Variants in ZNF287 observed in about 807,000 individuals in gnomAD.
ZNF287 encodes zinc finger protein with KRAB and SCAN domains 13.
A neutral mutation model predicts 73.7 loss-of-function variants in ZNF287; 31 were observed. The observed-to-expected ratio is 0.42, with a 90% confidence interval of 0.32 to 0.57. The LOEUF is 0.57. Ranked by LOEUF, ZNF287 falls within the 20% of genes least tolerant of loss-of-function variation. ZNF287 has a pLI of 0.13. For synonymous variants in ZNF287, 301 were observed against 307.2 expected (o/e 0.98, Z 0.21); for missense variants, 641 against 909.3 (o/e 0.70, Z 3.79).
chr17:16,556,027 T>G (rs1010784742), intron 5 of ZNF287, among the ~76,000 whole-genome samples: 1 of 148,404 alleles, frequency 6.7e-6, no homozygotes, highest in South Asian at 2.1e-4. Context: ...TAACAGAATA[T>G]TGATAACTGA....
intron 2 of ZNF287, among the ~76,000 whole-genome samples, chr17:16,566,992 A>G (rs1427443449): frequency 6.6e-6 from 1 of 152,228 alleles, no homozygotes; most frequent in Admixed American, 6.5e-5. Flanking sequence ...ATTTATTAGT[A>G]GAATGGTGCA....
Position 16,553,282 on chromosome 17 carries a change from A to T in ZNF287, c.860T>A (p.Ile287Asn). 1 of 1,613,858 alleles carries T rather than the reference A, an allele frequency of 6.2e-7. No individual in the cohort carries two copies. The highest frequency in any genetic ancestry group is 1.1e-5 in the South Asian group (1 of 91,054). The change falls in exon 6 of 6, where the codon ATT becomes AAT. Residue 287 changes from isoleucine (I) to asparagine (N), a missense_variant. Physicochemically the swap from Ile to Asn is moderately radical, Grantham distance 149 (BLOSUM62 -3). Transcript: ENST00000395825. ...ACTGAAACCTCTTTCATCAGTGTGA[A>T]TTTTCCAGAAGCCACCTTTTCCTCG... ...ERRGKGGFWK[I>N]HTDERGFSLK...
intron 3 of ZNF287, among the ~76,000 whole-genome samples, chr17:16,566,272 C>T (rs1907735983): frequency 6.6e-6 from 1 of 152,082 alleles, no homozygotes; most frequent in South Asian, 2.1e-4. Context: ...CTGTGGAGGT[C>T]AATCTCGTAT....
chr17:16,562,305 T>G (rs922819260), intron 5 of ZNF287, among the ~76,000 whole-genome samples: 1 of 152,232 alleles, frequency 6.6e-6, no homozygotes, highest in African/African-American at 2.4e-5. Flanking sequence ...GATATACTTT[T>G]AAGTTAAAAA....
At chr17:16,563,394 C>T (rs997261293) in intron 4 of ZNF287, 162 bp from the exon 5 acceptor site, 1 of 604,748 alleles carries the variant, frequency 1.7e-6, no homozygotes, top group South Asian at 2.3e-5. Context: ...GTTATCCTTT[C>T]AGAGACAGGA....
chr17:16,567,851 G>A lies in ZNF287; in HGVS notation c.-120C>T, dbSNP rs1305668334. The A allele has an allele frequency of 6.8e-7, 1 of 1,472,790 alleles. No homozygotes were observed. The highest frequency in any genetic ancestry group is 8.9e-7 in the Non-Finnish European group (1 of 1,119,094). The allele number at this position is 1,472,790 out of a possible 1,614,324, so 91.2% of individuals were successfully genotyped here. A position where few individuals can be genotyped will look rare whatever the true frequency, so the allele number is the denominator to read the frequency against. ...ATATCAAAGGCTGCTGCAGCCGAGG[G>A]CAGAACAGAATCAAGGTAGAGTTAG... On this transcript the variant is annotated 5_prime_UTR_variant, in exon 2 of 6. Coordinates refer to ENST00000395825, the MANE Select transcript of ZNF287 (RefSeq NM_020653.4).
Position 16,549,551 on chromosome 17 carries a change from G to A in ZNF287, c.*2305C>T, listed in dbSNP as rs1251008475. The stretch of plus-strand genomic sequence containing the variant: ...TATTCTGCAACCTGTACTTTGTGCA[G>A]GATGATACTATGAAATCAAGGTTAA... On this transcript the variant is annotated 3_prime_UTR_variant, in exon 6 of 6. Coordinates refer to ENST00000395825, the MANE Select transcript of ZNF287 (RefSeq NM_020653.4). Among the ~76,000 whole-genome samples the A allele has an allele frequency of 2.0e-5, 3 of 152,132 alleles. No homozygotes were observed. Among genetic ancestry groups the A allele is most frequent in the African/African-American group, 7.2e-5 (3 of 41,430 alleles).
Position 16,552,753 on chromosome 17 carries a change from C to T in ZNF287, c.1389G>A (p.Gln463=), listed in dbSNP as rs754397649. 7.4e-6 allele frequency: 12 copies of T among 1,613,976 alleles called. No homozygotes were observed. In the Admixed American group the frequency reaches 1.2e-4, roughly 16 times the overall value. ...KCDDCGKDFS[Q]RAHLTIHQRT... ...TTTGATGGATGGTAAGGTGTGCACG[C>T]TGACTGAAGTCTTTCCCACAGTCAT... Residue 463 remains glutamine, a synonymous_variant, in exon 6 of 6, where the codon CAG becomes CAA. Transcript: ENST00000395825. The surrounding 1 kb of genome is among the most constrained non-coding windows in gnomAD (Gnocchi z 6.5).
In ZNF287 at chr17:16,567,944, T is replaced by C; in HGVS notation, c.-198-15A>G. The C allele has an allele frequency of 5.7e-6, 8 of 1,410,252 alleles. No homozygotes were observed. The highest frequency in any genetic ancestry group is 7.4e-6 in the Non-Finnish European group (8 of 1,086,974). The allele number at this position is 1,410,252 out of a possible 1,614,324, so 87.4% of individuals were successfully genotyped here. ...GATAAGAGACCCTGAAACACAAGCA[T>C]GGACCACAAGGTCAAGAATCCCTGG... is the stretch of plus-strand genomic sequence containing the variant. On this transcript the variant is annotated splice_polypyrimidine_tract_variant and intron_variant, in intron 1 of 5. Transcript: ENST00000395825.
Position 16,549,698 on chromosome 17 carries a change from T to C in ZNF287, c.*2158A>G, listed in dbSNP as rs914278665. On this transcript the variant is annotated 3_prime_UTR_variant, in exon 6 of 6. Coordinates refer to ENST00000395825, the MANE Select transcript of ZNF287 (RefSeq NM_020653.4). ...GTTTGTAGGATGGTTTTATAAACAGTAATGTCCAAAGGAAGTTGCATGGTT... is the reference window on the plus strand; with the variant it reads ...GTTTGTAGGATGGTTTTATAAACAGCAATGTCCAAAGGAAGTTGCATGGTT... Among the ~76,000 whole-genome samples the C allele has an allele frequency of 6.6e-6, 1 of 152,144 alleles. No individual in the cohort carries two copies. Among genetic ancestry groups the C allele is most frequent in the African/African-American group, 2.4e-5 (1 of 41,434 alleles).
chr17:16,559,248 A>G (rs1907267226), intron 5 of ZNF287: 1 of 152,110 alleles, frequency 6.6e-6, no homozygotes, highest in African/African-American at 2.4e-5. Context: ...CTGTTTTTGC[A>G]TACTCAAAAA....
chr17:16,568,000 A>C, intron 1 of ZNF287, 71 bp from the exon 2 acceptor site: 1 of 1,247,890 alleles, frequency 8.0e-7, no homozygotes, highest in Non-Finnish European at 1.0e-6. Context: ...CACACACAGA[A>C]ACAGACTCGC....
chr17:16,568,188 T>C (rs1907868563), intron 1 of ZNF287: 1 of 157,004 alleles, frequency 6.4e-6, no homozygotes, highest in East Asian at 1.9e-4. Flanking sequence ...CTCTAACCTG[T>C]TGTAACAAAA....
chr17:16,566,034 T>C (rs1421369045), intron 3 of ZNF287, among the ~76,000 whole-genome samples: 1 of 152,180 alleles, frequency 6.6e-6, no homozygotes, highest in Non-Finnish European at 1.5e-5. Context: ...ACAGAATGCA[T>C]GGCCTTTAAC....
chr17:16,567,679 A>C lies in ZNF287; in HGVS notation c.53T>G (p.Leu18Arg), dbSNP rs199823928. 1,144 of 1,614,078 alleles carry C rather than the reference A, an allele frequency of 7.1e-4. 13 individuals are homozygous for C. In the South Asian group the frequency reaches 0.012, roughly 16 times the overall value. The part of the protein sequence containing the change: ...MNSSSRSQIL[L>R]RWKSDKAQSG... ...CTGAGCCTTGTCTGACTTCCACCTT[A>C]GAAGGATTTGAGAACGTGAAGAACT... Residue 18 changes from leucine to arginine, a missense_variant, in exon 2 of 6, where the codon CTA becomes CGA. Around this residue, in one of 2 missense-constraint regions of ZNF287, gnomAD observed 357 missense variants for 442.4 expected, o/e 0.81. Transcript: ENST00000395825.
rs986460598 is a variant in ZNF287, at chr17:16,567,268, G to A, written c.403+61C>T. ...ATTTCTTTAAAGGAGCTGCTCAGAT[G>A]TGCTAGTTGTCTTCTTTAACCACCC... On this transcript the variant is annotated intron_variant, in intron 2 of 5. Transcript: ENST00000395825. The A allele has an allele frequency of 4.5e-6, 7 of 1,549,230 alleles. No individual in the cohort carries two copies. The East Asian group carries it at 1.4e-4, about 30-fold the overall frequency.
chr17:16,561,131 C>A (rs1907428037), intron 5 of ZNF287, among the ~76,000 whole-genome samples: 1 of 152,156 alleles, frequency 6.6e-6, no homozygotes, highest in South Asian at 2.1e-4. Flanking sequence ...GCCTGGCCAA[C>A]ATGGTGACAC....
In ZNF287 at chr17:16,566,550, C is replaced by T. The variant is rs369743443; in HGVS notation, c.476G>A (p.Gly159Glu). The change falls in exon 3 of 6, where the codon GGA (glycine) becomes GAA (glutamate). Residue 159 changes from glycine to glutamate, a missense_variant. This residue lies in a region of ZNF287 where 357 missense variants were observed against 442.4 expected (regional missense o/e 0.81). Coordinates refer to ENST00000395825, the MANE Select transcript of ZNF287 (RefSeq NM_020653.4). ...TTTGGTCACCAAGTCATTTAGCCAT[C>T]CTGTCTGGAAAGCATGTTTTCCTCT... ...DPRGKHAFQT[G>E]WLNDLVTKES... is the part of the protein sequence containing the mutation. 1.2e-6 allele frequency: 2 copies of T among 1,612,928 alleles called. No individual in the cohort carries two copies. Among genetic ancestry groups the T allele is most frequent in the African/African-American group, 2.7e-5 (2 of 74,990 alleles).
At chr17:16,565,262 T>C (rs548361018) in intron 3 of ZNF287, among the ~76,000 whole-genome samples, 2 of 151,766 alleles carry the variant, frequency 1.3e-5, no homozygotes, top group Non-Finnish European at 2.9e-5. Context: ...GGAGAACTGA[T>C]GACTTTATAA....
Sources: gnomAD v4.1 joint callset for allele counts (sites outside exome capture counted in the v4.1 genomes callset) on GRCh38, gnomAD v4.1.1 for gene constraint, gnomAD v4.1.1 regional missense constraint, Gnocchi (gnomAD v3.1) non-coding constraint, MANE v1.5 for transcripts, NCBI Gene and HGNC (gene_info 2026-07-23, HGNC 2026-07-21) for gene names.